The following PIAS2 variants were observed in gnomAD, a reference collection of about 807,000 sequenced individuals.
The protein encoded by PIAS2 is E3 SUMO-protein ligase PIAS2.
PIAS2 carries 19 observed loss-of-function variants against 69.7 expected under a neutral mutation model. The observed-to-expected ratio is 0.27, with a 90% CI of 0.19 to 0.40. The LOEUF is 0.40. PIAS2 is among the 10% of genes least tolerant of loss of function. The pLI, the probability that PIAS2 is intolerant of heterozygous loss-of-function variation, is 1.00. For missense variants in PIAS2, 624 were observed against 757.0 expected, an observed-to-expected ratio of 0.82 and a Z score of 2.06; for synonymous variants, 261 against 263.2, an observed-to-expected ratio of 0.99 and a Z score of 0.08.
At chr18:46,919,692 G>A (rs1221707685), upstream of PIAS2, among the ~76,000 whole-genome samples, 2 of 152,136 alleles carry the variant, frequency 1.3e-5, no homozygotes, top group African/African-American at 4.8e-5. Context: ...TTAAAAAATT[G>A]TAAACCCACT....
At chr18:46,862,571 A>G (rs2048821626) in intron 3 of PIAS2, among the ~76,000 whole-genome samples, 1 of 152,144 alleles carries the variant, frequency 6.6e-6, no homozygotes, top group East Asian at 1.9e-4. Flanking sequence ...TAAGAATGCA[A>G]CTTTAAAGAG....
chr18:46,892,415 T>C (rs921207643), intron 1 of PIAS2, among the ~76,000 whole-genome samples: 1 of 152,122 alleles, frequency 6.6e-6, no homozygotes, highest in Non-Finnish European at 1.5e-5. Context: ...TATACTCTAA[T>C]TCAGTGCTGT....
chr18:46,835,002 A>T (rs2044226707), intron 9 of PIAS2, among the ~76,000 whole-genome samples: 1 of 152,238 alleles, frequency 6.6e-6, no homozygotes, highest in African/African-American at 2.4e-5. Context: ...CATACACAAA[A>T]TGCCACCTTC....
chr18:46,891,674 C>T, intron 1 of PIAS2: 1 of 967,244 alleles, frequency 1.0e-6, no homozygotes, highest in Non-Finnish European at 1.2e-6. Flanking sequence ...TCTAAAACAA[C>T]TGAAATTCCC....
At chr18:46,899,904 C>T (rs2055531109) in intron 1 of PIAS2, among the ~76,000 whole-genome samples, 2 of 151,992 alleles carry the variant, frequency 1.3e-5, no homozygotes, top group Admixed American at 1.3e-4. Context: ...CTGACAGCAT[C>T]AGGAAAAATA....
intron 1 of PIAS2, among the ~76,000 whole-genome samples, chr18:46,913,032 G>A (rs1329190608): frequency 6.6e-6 from 1 of 152,170 alleles, no homozygotes; most frequent in African/African-American, 2.4e-5. Context: ...TGCTTTCATA[G>A]ACATGAGCTC....
chr18:46,904,375 GATAAAACTGAA>G (rs1175747621), intron 1 of PIAS2, among the ~76,000 whole-genome samples: 4 of 152,184 alleles, frequency 2.6e-5, no homozygotes, highest in African/African-American at 9.6e-5. Context: ...ATTTGAAAGA[GATAAAACTGAA>G]ATAAAAGGAC....
At chr18:46,866,704 T>C (rs1165284195) in intron 2 of PIAS2, among the ~76,000 whole-genome samples, 1 of 152,176 alleles carries the variant, frequency 6.6e-6, no homozygotes, top group Non-Finnish European at 1.5e-5. Context: ...GGAGGAAATA[T>C]GAGAACAGCA....
intron 1 of PIAS2, chr18:46,893,465 C>A (rs949959381): frequency 1.3e-5 from 13 of 983,762 alleles, no homozygotes; most frequent in Non-Finnish European, 1.4e-5. Flanking sequence ...TCTAGGAGGT[C>A]TCATATCTCA....
At chr18:46,851,742 C>T (rs755544022) in intron 5 of PIAS2, among the ~76,000 whole-genome samples, 1 of 152,190 alleles carries the variant, frequency 6.6e-6, no homozygotes, top group Non-Finnish European at 1.5e-5. Context: ...TCTAGGGACA[C>T]GTTGCCATTT....
Position 46,828,143 on chromosome 18 carries a change from A to G in PIAS2, c.1337-13T>C. On this transcript the variant is annotated splice_polypyrimidine_tract_variant and intron_variant, in intron 10 of 13. Coordinates refer to ENST00000585916, the MANE Select transcript of PIAS2 (RefSeq NM_004671.5). Reference sequence around the variant, plus strand: ...AGGACGCTTGAACCTGCATGTAAAGAAACAAAAGGAAAAAAAAATTAAAGG... The same window carrying G: ...AGGACGCTTGAACCTGCATGTAAAGGAACAAAAGGAAAAAAAAATTAAAGG... 1 of 1,581,386 alleles carries G rather than the reference A, an allele frequency of 6.3e-7. No homozygotes were observed. The highest frequency in any genetic ancestry group is 1.7e-4 in the Middle Eastern group (1 of 5,822).
chr18:46,917,568 C>A (rs1446340544), upstream of PIAS2: 3 of 1,092,026 alleles, frequency 2.7e-6, no homozygotes, highest in South Asian at 8.7e-5. Context: ...GTGCCCCCTG[C>A]CCACCCGCGC....
chr18:46,834,138 T>C (rs1373240263), intron 9 of PIAS2, among the ~76,000 whole-genome samples: 1 of 152,154 alleles, frequency 6.6e-6, no homozygotes, highest in Admixed American at 6.5e-5. Context: ...CATGAAGCAA[T>C]GTATGACGGA....
At chr18:46,850,304 TA>T (rs1568506838) in intron 5 of PIAS2, among the ~76,000 whole-genome samples, 3 of 152,266 alleles carry the variant, frequency 2.0e-5, no homozygotes, top group African/African-American at 7.2e-5. Context: ...AATTCAAAAC[TA>T]GAGCCCCACA....
intron 3 of PIAS2, among the ~76,000 whole-genome samples, chr18:46,857,072 A>T (rs1431598903): frequency 1.3e-5 from 2 of 152,240 alleles, no homozygotes; most frequent in Non-Finnish European, 2.9e-5. Context: ...TAAATATAAG[A>T]TGTGCTCAAC....
At position 46,844,737 on chromosome 18, in the gene PIAS2, G is replaced by A; in HGVS notation, c.964C>T (p.Leu322=). 2 of 1,225,262 alleles carry A rather than the reference G, an allele frequency of 1.6e-6. No homozygotes were observed. Among genetic ancestry groups the A allele is most frequent in the South Asian group, 2.0e-5 (1 of 50,310 alleles). The allele number at this position is 1,225,262 out of a possible 1,614,324, so 75.9% of individuals were successfully genotyped here. A position where few individuals can be genotyped will look rare whatever the true frequency, so the allele number is the denominator to read the frequency against. ...GIRNPDHSRA[L]IKEKLTADPD... Reference sequence around the variant, plus strand: ...GGTCTTATTAAACATTACTTACTTAGTGCTCTGGAATGATCAGGGTTTCTA... The same window carrying A: ...GGTCTTATTAAACATTACTTACTTAATGCTCTGGAATGATCAGGGTTTCTA... The change falls in exon 7 of 14, where the codon CTA becomes TTA. Residue 322 remains leucine, a synonymous_variant. Transcript: ENST00000585916.
chr18:46,855,103 T>TAAAAAAAAAA (rs59957336), intron 5 of PIAS2, among the ~76,000 whole-genome samples: 3 of 76,348 alleles, frequency 3.9e-5, no homozygotes, highest in South Asian at 5.7e-4. Flanking sequence ...CTTGTCTCTT[T>TAAAAAAAAAA]AAAAAAAAAA....
At chr18:46,864,331 A>G in intron 2 of PIAS2, 83 bp from the exon 3 acceptor site, 1 of 851,988 alleles carries the variant, frequency 1.2e-6, no homozygotes, top group Non-Finnish European at 1.8e-6. Context: ...GGCATTTTTT[A>G]TAAAGTACCT....
rs2041746518 is a variant in PIAS2 at position 46,818,010 on chromosome 18, G to A, written c.1649-2661C>T. On this transcript the variant is annotated intron_variant, in intron 12 of 13. Transcript: ENST00000585916. Reference sequence around the variant, plus strand: ...CTGATATATTTTTATGCCCTCCGAAGTATTTCATGGTTGAAAATGCTCAAT... The same window carrying A: ...CTGATATATTTTTATGCCCTCCGAAATATTTCATGGTTGAAAATGCTCAAT... 6.1e-6 allele frequency: 6 copies of A among 987,834 alleles called. No individual in the cohort carries two copies. The South Asian group carries it at 2.8e-4, about 46-fold the overall frequency. 61.2% of individuals were successfully genotyped at this position (987,834 alleles called of 1,614,324 possible). A position where few individuals can be genotyped will look rare whatever the true frequency, so the allele number is the denominator to read the frequency against.
Sources: gnomAD v4.1 joint callset for allele counts (sites outside exome capture counted in the v4.1 genomes callset) on GRCh38, gnomAD v4.1.1 for gene constraint, MANE v1.5 for transcripts, NCBI Gene and HGNC (gene_info 2026-07-23, HGNC 2026-07-21) for gene names.